DCLK2: variants seen among roughly 807,000 people sequenced by gnomAD.
DCLK2 encodes doublecortin like kinase 2.
DCLK2 carries 31 observed loss-of-function variants against 78.4 expected under a neutral mutation model. That is an observed-to-expected ratio of 0.40 (90% CI 0.30 to 0.53). The LOEUF is 0.53. Among genes scored for constraint, DCLK2 ranks in the 20% least tolerant of loss-of-function variants. The probability of loss-of-function intolerance (pLI) is 0.61; values close to 1 mark genes in which losing one functional copy is unlikely to be tolerated. For missense variants in DCLK2, 872 were observed against 973.7 expected, an observed-to-expected ratio of 0.90 and a Z score of 1.39; for synonymous variants, 407 against 374.9, an observed-to-expected ratio of 1.09 and a Z score of -0.99.
chr4:150,093,377 A>G (rs1045742155), intron 1 of DCLK2, among the ~76,000 whole-genome samples: 1 of 152,184 alleles, frequency 6.6e-6, no homozygotes, highest in African/African-American at 2.4e-5. Context: ...GAAAATCCCA[A>G]TGACATATTT....
intron 3 of DCLK2, among the ~76,000 whole-genome samples, chr4:150,194,072 C>CACACACACACACACACAT (rs1738679129): frequency 7.1e-6 from 1 of 141,560 alleles, no homozygotes; most frequent in East Asian, 2.0e-4. Context: ...CACACACACA[C>CACACACACACACACACAT]GTATACTTAC....
intron 2 of DCLK2, among the ~76,000 whole-genome samples, chr4:150,173,198 G>A (rs1026316672): frequency 3.9e-5 from 6 of 152,086 alleles, no homozygotes; most frequent in Non-Finnish European, 8.8e-5. Flanking sequence ...GAGGGAGATG[G>A]ATCTGGGCTA....
chr4:150,177,132 A>G (rs1420439811), intron 2 of DCLK2, among the ~76,000 whole-genome samples: 1 of 152,190 alleles, frequency 6.6e-6, no homozygotes, highest in Non-Finnish European at 1.5e-5. Context: ...TATAATGTAG[A>G]ATAAATCTCA....
chr4:150,150,725 A>G (rs1402255849), intron 2 of DCLK2, among the ~76,000 whole-genome samples: 1 of 152,212 alleles, frequency 6.6e-6, no homozygotes, highest in African/African-American at 2.4e-5. Context: ...GTCCTGCCTA[A>G]TGCCCCAAAA....
chr4:150,142,023 TATTAA>T (rs1268472297), intron 2 of DCLK2, among the ~76,000 whole-genome samples: 1 of 152,202 alleles, frequency 6.6e-6, no homozygotes, highest in African/African-American at 2.4e-5. Flanking sequence ...AATCATACTA[TATTAA>T]ATTAAACTGT....
chr4:150,169,429 CGGTTGGATCACCT>C (rs1425788192), intron 2 of DCLK2, among the ~76,000 whole-genome samples: 4 of 152,126 alleles, frequency 2.6e-5, no homozygotes, highest in Non-Finnish European at 4.4e-5. Context: ...GAAGCTGAGG[CGGTTGGATCACCT>C]GAGGTCAGCA....
intron 10 of DCLK2, among the ~76,000 whole-genome samples, chr4:150,236,918 G>A (rs938235224): frequency 6.6e-6 from 1 of 152,104 alleles, no homozygotes; most frequent in African/African-American, 2.4e-5. Flanking sequence ...TCCTGCATCT[G>A]ACTCTGAATT....
intron 2 of DCLK2, among the ~76,000 whole-genome samples, chr4:150,117,187 C>T (rs1353762303): frequency 2.6e-5 from 4 of 152,096 alleles, no homozygotes; most frequent in Admixed American, 1.3e-4. Context: ...GGGAGGAGTG[C>T]AGCTGCATCT....
At chr4:150,079,473 C>G (rs976411818) in intron 1 of DCLK2, 25 bp downstream of exon 1, 12 of 1,448,720 alleles carry the variant, frequency 8.3e-6, no homozygotes, top group Non-Finnish European at 1.1e-5. Context: ...CGCCGCACGG[C>G]AGGTGCGGCG....
chr4:150,086,109 C>A (rs1250987040), intron 1 of DCLK2, among the ~76,000 whole-genome samples: 1 of 152,134 alleles, frequency 6.6e-6, no homozygotes, highest in African/African-American at 2.4e-5. Context: ...AAATTACAAA[C>A]CCAACAGGGG....
intron 2 of DCLK2, among the ~76,000 whole-genome samples, chr4:150,118,606 A>G (rs192026248): frequency 1.9e-3 from 279 of 150,192 alleles, no homozygotes; most frequent in Middle Eastern, 0.014. Flanking sequence ...CATTTGCATT[A>G]GAAAAATGTA....
chr4:150,136,874 G>A (rs1733721980), intron 2 of DCLK2, among the ~76,000 whole-genome samples: 1 of 152,014 alleles, frequency 6.6e-6, no homozygotes, highest in Admixed American at 6.6e-5. Flanking sequence ...TTTGATGAAT[G>A]CTGCTGGTGT....
chr4:150,214,835 G>T (rs1029025037), intron 5 of DCLK2, among the ~76,000 whole-genome samples: 2 of 151,320 alleles, frequency 1.3e-5, no homozygotes, highest in South Asian at 2.1e-4. Context: ...GGTGGCACAC[G>T]CCTGTAATCC....
intron 2 of DCLK2, among the ~76,000 whole-genome samples, chr4:150,170,234 T>G (rs531046559): frequency 2.0e-5 from 3 of 152,114 alleles, no homozygotes; most frequent in Non-Finnish European, 4.4e-5. Flanking sequence ...ACTATAGACA[T>G]GGTTTCACCA....
chr4:150,125,558 A>G (rs867428369), intron 2 of DCLK2, among the ~76,000 whole-genome samples: 4 of 152,168 alleles, frequency 2.6e-5, no homozygotes, highest in Non-Finnish European at 5.9e-5. Flanking sequence ...TGTCTACCCT[A>G]TGTTTATAAC....
intron 4 of DCLK2, 43 bp from the exon 5 acceptor site, chr4:150,203,752 G>C: frequency 6.6e-7 from 1 of 1,508,526 alleles, no homozygotes; most frequent in Non-Finnish European, 9.2e-7. Flanking sequence ...GGTTGTTGTG[G>C]GTTTTAATGG....
In DCLK2 at chr4:150,130,354, G is replaced by A. The variant is rs76020642; in HGVS notation, c.756+27542G>A. Among the ~76,000 whole-genome samples, 516 of 152,230 alleles carry A rather than the reference G, an allele frequency of 3.4e-3. 6 individuals are homozygous for A. Among genetic ancestry groups the A allele is most frequent in the African/African-American group, 0.012 (487 of 41,502 alleles). On this transcript the variant is annotated intron_variant, in intron 2 of 15. Coordinates refer to ENST00000296550, the MANE Select transcript of DCLK2 (RefSeq NM_001040260.4). ...AAGTGTGAGCCAGAAGAGTTGGGAA[G>A]TGTTCGTGAAGAAATAGAATGCAAA... is the stretch of plus-strand genomic sequence containing the variant.
chr4:150,211,511 C>T (rs1740314114), intron 5 of DCLK2, among the ~76,000 whole-genome samples: 1 of 152,030 alleles, frequency 6.6e-6, no homozygotes, highest in African/African-American at 2.4e-5. Context: ...GCAGTCACAC[C>T]AGCCTTCTCT....
Position 150,221,766 on chromosome 4 carries a change from G to A in DCLK2, c.1222G>A (p.Val408Ile). ...KVIGDGNFAV[V>I]KECIDRSTGK... ...CATTGGTGATGGCAATTTTGCAGTA[G>A]TCAAAGAGTGTATAGACAGGTGAGT... Residue 408 changes from valine to isoleucine, a missense_variant, in exon 7 of 16, where the codon GTC (valine) becomes ATC (isoleucine). By Grantham distance (29) the Val-to-Ile change is conservative. Transcript: ENST00000296550. The A allele has an allele frequency of 6.2e-7, 1 of 1,601,088 alleles. No homozygotes were observed. Among genetic ancestry groups the A allele is most frequent in the Non-Finnish European group, 8.5e-7 (1 of 1,173,154 alleles).
Sources: allele counts gnomAD v4.1 joint callset (sites outside exome capture counted in the v4.1 genomes callset), GRCh38; gene constraint gnomAD v4.1.1; transcripts MANE v1.5; gene names NCBI Gene and HGNC (gene_info 2026-07-23, HGNC 2026-07-21).